CIPC: variants seen among roughly 807,000 people sequenced by gnomAD.
CIPC encodes the protein CLOCK interacting pacemaker.
CIPC carries 12 observed loss-of-function variants against 26.7 expected under a neutral mutation model. The observed-to-expected ratio is 0.45, with a 90% CI of 0.29 to 0.73. The LOEUF is 0.73. Ranked by LOEUF, CIPC falls within the 30% of genes least tolerant of loss-of-function variation. CIPC has a pLI of 0.12. For synonymous variants in CIPC, 170 were observed against 189.8 expected (o/e 0.90, Z 0.86); for missense variants, 417 against 486.5 (o/e 0.86, Z 1.34).
In CIPC at chr14:77,114,614, G is replaced by T; in HGVS notation, c.*296G>T. The T allele has an allele frequency of 3.2e-6, 1 of 317,276 alleles. No homozygotes were observed. Among genetic ancestry groups the T allele is most frequent in the Non-Finnish European group, 5.9e-6 (1 of 170,454 alleles). 19.7% of individuals were successfully genotyped at this position (317,276 alleles called of 1,614,324 possible). On this transcript the variant is annotated 3_prime_UTR_variant, in exon 4 of 4. Coordinates refer to ENST00000361786, the MANE Select transcript of CIPC (RefSeq NM_033426.3). ...GGGCAAAGCAGGAGATGATTGTGTG[G>T]GGCTCTTCCTGCTGTCACCTCCCAT...
intron 2 of CIPC, 58 bp from the exon 3 acceptor site, chr14:77,109,754 C>A: frequency 6.7e-7 from 1 of 1,494,610 alleles, no homozygotes; most frequent in African/African-American, 1.4e-5. Context: ...CCTTAGGAGC[C>A]TGGTTAAGAG....
At chr14:77,102,660 A>T (rs1886513081) in intron 1 of CIPC, among the ~76,000 whole-genome samples, 2 of 152,204 alleles carry the variant, frequency 1.3e-5, no homozygotes, top group South Asian at 4.1e-4. Flanking sequence ...AAAATAATCC[A>T]TGTTTAGTAA....
chr14:77,108,663 C>T (rs1301905891), intron 2 of CIPC, among the ~76,000 whole-genome samples: 1 of 151,928 alleles, frequency 6.6e-6, no homozygotes, highest in East Asian at 1.9e-4. Context: ...TGCACTACAG[C>T]CTGGGCAACA....
In CIPC at chr14:77,114,836, CCCTG is replaced by C; in HGVS notation, c.*519_*522del. ...TACTAGTTGGGCGAGACCTAAAATT[CCCTG>C]GGCACAGGTTGCACCTGGGTGTGAG... On this transcript the variant is annotated 3_prime_UTR_variant, in exon 4 of 4. Transcript: ENST00000361786. The C allele has an allele frequency of 6.4e-6, 1 of 155,196 alleles. No homozygotes were observed. The highest frequency in any genetic ancestry group is 1.4e-5 in the Non-Finnish European group (1 of 69,750). 9.6% of individuals were successfully genotyped at this position (155,196 alleles called of 1,614,324 possible). A position where few individuals can be genotyped will look rare whatever the true frequency, so the allele number is the denominator to read the frequency against.
chr14:77,101,376 C>T (rs1313865195), intron 1 of CIPC, among the ~76,000 whole-genome samples: 1 of 152,122 alleles, frequency 6.6e-6, no homozygotes, highest in Non-Finnish European at 1.5e-5. Flanking sequence ...TGTGAGCCTC[C>T]CTGGCTGCAA....
In CIPC at chr14:77,114,453, C is replaced by T. The variant is rs1323054109; in HGVS notation, c.*135C>T. 4 of 899,716 alleles carry T rather than the reference C, an allele frequency of 4.4e-6. No homozygotes were observed. Among genetic ancestry groups the T allele is most frequent in the South Asian group, 1.7e-5 (1 of 57,798 alleles). The allele number at this position is 899,716 out of a possible 1,614,324, so 55.7% of individuals were successfully genotyped here. ...GTGTTGTGGTTCACTTAGGAAGCCACGTGCCAATACCTGGCTGCTGTCTTA... is the reference window on the plus strand; with the variant it reads ...GTGTTGTGGTTCACTTAGGAAGCCATGTGCCAATACCTGGCTGCTGTCTTA... On this transcript the variant is annotated 3_prime_UTR_variant, in exon 4 of 4. Transcript: ENST00000361786.
intron 1 of CIPC, among the ~76,000 whole-genome samples, chr14:77,102,256 A>G (rs1425148223): frequency 6.6e-6 from 1 of 152,208 alleles, no homozygotes; most frequent in African/African-American, 2.4e-5. Context: ...ATGATCTGCT[A>G]TCGGACAAGA....
rs752854875 is a variant in CIPC at position 77,114,126 on chromosome 14, C to T, written c.1008C>T (p.Thr336=). Residue 336 remains threonine, a synonymous_variant, in exon 4 of 4, where the codon ACC becomes ACT. Coordinates refer to ENST00000361786, the MANE Select transcript of CIPC (RefSeq NM_033426.3). ...KSGLLEITLK[T]KELIRQNQAT... ...GTTTGCTGGAGATCACTTTGAAAAC[C>T]AAGGAGTTGATTCGTCAGAATCAGG... 1 of 1,614,016 alleles carries T rather than the reference C, an allele frequency of 6.2e-7. No individual in the cohort carries two copies. Among genetic ancestry groups the T allele is most frequent in the South Asian group, 1.1e-5 (1 of 91,070 alleles).
At chr14:77,110,030 A>C (rs1303204666) in intron 3 of CIPC, 49 bp downstream of exon 3, 1 of 1,568,576 alleles carries the variant, frequency 6.4e-7, no homozygotes, top group Non-Finnish European at 8.7e-7. Flanking sequence ...AAAATCTCTT[A>C]GCTTCCGTGT....
At chr14:77,105,593 C>T in intron 1 of CIPC, 64 bp from the exon 2 acceptor site, 2 of 1,122,678 alleles carry the variant, frequency 1.8e-6, no homozygotes, top group Non-Finnish European at 2.5e-6. Context: ...ATACTTTATT[C>T]ACTGTTTGGA....
At chr14:77,100,573 CT>C (rs1211402359) in intron 1 of CIPC, among the ~76,000 whole-genome samples, 112 of 135,128 alleles carry the variant, frequency 8.3e-4, no homozygotes, top group Middle Eastern at 4.2e-3. Context: ...CTTTTCTCTT[CT>C]TTTTTTTTTT....
Position 77,114,031 on chromosome 14 carries a change from A to C in CIPC, c.913A>C (p.Ile305Leu), listed in dbSNP as rs371858478. The change falls in exon 4 of 4, where the codon ATC (isoleucine) becomes CTC (leucine). Residue 305 changes from isoleucine to leucine, a missense_variant. Ile to Leu is a conservative substitution (Grantham distance 5). Coordinates refer to ENST00000361786, the MANE Select transcript of CIPC (RefSeq NM_033426.3). Reference sequence around the variant, plus strand: ...AGAGCACCTCTGCCGCAGCCCAGATATCTTTTCAGAGCAGCGGCAGAGCAA... The same window carrying C: ...AGAGCACCTCTGCCGCAGCCCAGATCTCTTTTCAGAGCAGCGGCAGAGCAA... ...AAEHLCRSPD[I>L]FSEQRQSKHR... 4 of 1,614,130 alleles carry C rather than the reference A, an allele frequency of 2.5e-6. No homozygotes were observed. In the African/African-American group the frequency reaches 5.3e-5, roughly 22 times the overall value.
At chr14:77,105,505 T>A (rs995537253) in intron 1 of CIPC, among the ~76,000 whole-genome samples, 152 bp from the exon 2 acceptor site, 9 of 152,250 alleles carry the variant, frequency 5.9e-5, no homozygotes, top group African/African-American at 2.2e-4. Flanking sequence ...CCATTCTGTT[T>A]AGTAAACTTG....
At chr14:77,111,256 A>C (rs1026082203) in intron 3 of CIPC, among the ~76,000 whole-genome samples, 14 of 152,166 alleles carry the variant, frequency 9.2e-5, no homozygotes, top group African/African-American at 1.7e-4. Flanking sequence ...AGAACAGCCC[A>C]CACACACAGT....
rs1262470681 is a variant in CIPC at position 77,117,183 on chromosome 14, A to C, written c.*2865A>C. 2.0e-5 allele frequency: 3 copies of C among 152,582 alleles called. No individual in the cohort carries two copies. Among genetic ancestry groups the C allele is most frequent in the Non-Finnish European group, 4.4e-5 (3 of 68,038 alleles). 9.5% of individuals were successfully genotyped at this position (152,582 alleles called of 1,614,324 possible). ...TTTTCAGCTATGAATTCTTTAGGGT[A>C]GAAATTTATTTAGCAAATGTGAATT... is the stretch of plus-strand genomic sequence containing the variant. On this transcript the variant is annotated 3_prime_UTR_variant, in exon 4 of 4. Transcript: ENST00000361786.
In CIPC at chr14:77,113,845, CTT is replaced by C; in HGVS notation, c.728_729del (p.Leu243ProfsTer10). ...GGTGGCAGGTGGAAGTCCACAGACT[CTT>C]CAGCCGGTATCCAGCAGTCACGTGG... ...SLVAGGSPQTLQPVSSSHVAK... is the reference protein window; with the variant it reads ...SLVAGGSPQTXQPVSSSHVAK... On this transcript the variant is annotated frameshift_variant, in exon 4 of 4. Transcript: ENST00000361786. LOFTEE classifies it high-confidence loss of function. 6.2e-7 allele frequency: 1 copy of C among 1,614,170 alleles called. No individual in the cohort carries two copies. The highest frequency in any genetic ancestry group is 8.5e-7 in the Non-Finnish European group (1 of 1,180,038).
At position 77,114,479 on chromosome 14, in the gene CIPC, A is replaced by G; in HGVS notation, c.*161A>G. On this transcript the variant is annotated 3_prime_UTR_variant, in exon 4 of 4. Transcript: ENST00000361786. The stretch of plus-strand genomic sequence containing the variant: ...GTGCCAATACCTGGCTGCTGTCTTA[A>G]CTCGTAGTCTGGGCACAGGATACAT... The G allele has an allele frequency of 1.4e-6, 1 of 720,154 alleles. No homozygotes were observed. The highest frequency in any genetic ancestry group is 2.3e-6 in the Non-Finnish European group (1 of 438,414). The allele number at this position is 720,154 out of a possible 1,614,324, so 44.6% of individuals were successfully genotyped here.
At chr14:77,110,366 C>T (rs1476740297) in intron 3 of CIPC, among the ~76,000 whole-genome samples, 1 of 151,976 alleles carries the variant, frequency 6.6e-6, no homozygotes, top group African/African-American at 2.4e-5. Flanking sequence ...ATATGGATTG[C>T]CCTGGGAATT....
intron 2 of CIPC, among the ~76,000 whole-genome samples, chr14:77,107,176 A>C (rs1414378896): frequency 6.6e-6 from 1 of 152,226 alleles, no homozygotes; most frequent in African/African-American, 2.4e-5. Context: ...CATTTCATGA[A>C]TACGTGCTCA....
Sources: gnomAD v4.1 joint callset for allele counts (sites outside exome capture counted in the v4.1 genomes callset) on GRCh38, gnomAD v4.1.1 for gene constraint, MANE v1.5 for transcripts, NCBI Gene and HGNC (gene_info 2026-07-23, HGNC 2026-07-21) for gene names.